RSU1: variants seen among roughly 807,000 people sequenced by gnomAD.
RSU1 encodes rsu-1.
Under a neutral mutation model 31.1 loss-of-function variants are expected in RSU1, and 26 were observed. The ratio of observed to expected loss-of-function variants is 0.84; its 90% confidence interval spans 0.61 to 1.16. The LOEUF is 1.16. Ranked by LOEUF, RSU1 falls within the 50% of genes most tolerant of loss-of-function variation. RSU1 has a pLI of 0.00. For missense variants in RSU1, 320 were observed against 339.1 expected (o/e 0.94, Z 0.44); for synonymous variants, 164 against 136.3 (o/e 1.20, Z -1.41).
chr10:16,742,036 G>C (rs540859981), intron 7 of RSU1, among the ~76,000 whole-genome samples: 23 of 152,190 alleles, frequency 1.5e-4, no homozygotes, highest in African/African-American at 4.6e-4. Flanking sequence ...GGTTAAGATG[G>C]ATTCAATAGG....
intron 8 of RSU1, among the ~76,000 whole-genome samples, chr10:16,624,724 T>G (rs1021868263): frequency 6.6e-6 from 1 of 152,168 alleles, no homozygotes; most frequent in African/African-American, 2.4e-5. Flanking sequence ...ACTCTTTGAT[T>G]AGGTGGAGAT....
At chr10:16,734,219 AAT>A (rs1836578992) in intron 7 of RSU1, among the ~76,000 whole-genome samples, 1 of 152,254 alleles carries the variant, frequency 6.6e-6, no homozygotes, top group Non-Finnish European at 1.5e-5. Context: ...TTTAAAGTTT[AAT>A]ATGTGACCAT....
At chr10:16,608,819 C>G (rs1833847066) in intron 8 of RSU1, among the ~76,000 whole-genome samples, 1 of 152,038 alleles carries the variant, frequency 6.6e-6, no homozygotes, top group South Asian at 2.1e-4. Flanking sequence ...TGGGTAGATT[C>G]AGCAGACTTA....
At chr10:16,632,951 A>G (rs935424374) in intron 8 of RSU1, among the ~76,000 whole-genome samples, 1 of 151,500 alleles carries the variant, frequency 6.6e-6, no homozygotes, top group Non-Finnish European at 1.5e-5. Flanking sequence ...AACAAAATTT[A>G]AAAAAAAACC....
chr10:16,639,741 C>G (rs1015202959), intron 8 of RSU1, among the ~76,000 whole-genome samples: 2 of 152,186 alleles, frequency 1.3e-5, no homozygotes, highest in African/African-American at 2.4e-5. Context: ...TGCATGGAGA[C>G]TTTGTGACAA....
intron 8 of RSU1, among the ~76,000 whole-genome samples, chr10:16,618,518 C>T (rs1485872268): frequency 1.3e-5 from 2 of 152,212 alleles, no homozygotes; most frequent in African/African-American, 2.4e-5. Flanking sequence ...TATAAAGACA[C>T]ATGCACACGT....
At chr10:16,791,263 G>A (rs1414744788) in intron 2 of RSU1, among the ~76,000 whole-genome samples, 4 of 152,078 alleles carry the variant, frequency 2.6e-5, no homozygotes, top group East Asian at 1.9e-4. Flanking sequence ...CTGACCTCAG[G>A]TGATTCACCT....
Position 16,701,801 on chromosome 10 carries a change from T to C in RSU1, c.599-6646A>G, listed in dbSNP as rs192935906. Reference sequence around the variant, plus strand: ...TGATGCTCTTCTTGGCCATTTGATATCTGTGGTCCAGGTTAAGAAGGGATA... The same window carrying C: ...TGATGCTCTTCTTGGCCATTTGATACCTGTGGTCCAGGTTAAGAAGGGATA... On this transcript the variant is annotated intron_variant, in intron 7 of 8. Transcript: ENST00000345264. 6.1e-3 allele frequency among the ~76,000 whole-genome samples: 933 copies of C among 152,286 alleles called. 5 individuals are homozygous for C. Among genetic ancestry groups the C allele is most frequent in the Non-Finnish European group, 9.2e-3 (623 of 68,018 alleles).
chr10:16,697,103 G>A (rs778611349), intron 7 of RSU1, among the ~76,000 whole-genome samples: 2 of 151,986 alleles, frequency 1.3e-5, no homozygotes, highest in Admixed American at 6.6e-5. Flanking sequence ...TTATGTGCAC[G>A]ATGGTATGTT....
At chr10:16,808,772 A>G (rs1838335669) in intron 2 of RSU1, among the ~76,000 whole-genome samples, 1 of 152,172 alleles carries the variant, frequency 6.6e-6, no homozygotes, top group African/African-American at 2.4e-5. Flanking sequence ...ATGTGACTAT[A>G]TTTGGAGATG....
At chr10:16,731,440 A>G (rs1836510225) in intron 7 of RSU1, among the ~76,000 whole-genome samples, 1 of 151,950 alleles carries the variant, frequency 6.6e-6, no homozygotes, top group South Asian at 2.1e-4. Flanking sequence ...AAAAAAAAAA[A>G]AAAAAATACT....
intron 8 of RSU1, among the ~76,000 whole-genome samples, chr10:16,630,269 T>C (rs1167364168): frequency 6.6e-6 from 1 of 152,176 alleles, no homozygotes; most frequent in East Asian, 1.9e-4. Flanking sequence ...GCCTGTATCA[T>C]ATCATATGTG....
chr10:16,656,715 G>C (rs1032886421), intron 8 of RSU1, among the ~76,000 whole-genome samples: 1 of 152,122 alleles, frequency 6.6e-6, no homozygotes, highest in Non-Finnish European at 1.5e-5. Flanking sequence ...TAACAGAATC[G>C]GCTTATATAT....
chr10:16,696,608 AATAAGCAGATCC>A (rs1835680913), intron 7 of RSU1, among the ~76,000 whole-genome samples: 1 of 152,238 alleles, frequency 6.6e-6, no homozygotes, highest in African/African-American at 2.4e-5. Flanking sequence ...TTGGTACAAA[AATAAGCAGATCC>A]ATTTCTCTCC....
At chr10:16,757,006 G>T (rs1361452749) in intron 4 of RSU1, among the ~76,000 whole-genome samples, 2 of 149,776 alleles carry the variant, frequency 1.3e-5, no homozygotes, top group African/African-American at 4.9e-5. Flanking sequence ...GTGTTTGGGG[G>T]TGTGGTGGTG....
At chr10:16,774,876 G>A (rs977912898) in intron 3 of RSU1, among the ~76,000 whole-genome samples, 2 of 152,048 alleles carry the variant, frequency 1.3e-5, no homozygotes, top group Non-Finnish European at 2.9e-5. Flanking sequence ...GGCCAAGGCA[G>A]GAGGACCACT....
intron 7 of RSU1, among the ~76,000 whole-genome samples, chr10:16,747,417 C>G (rs111593794): frequency 8.3e-4 from 126 of 152,134 alleles, no homozygotes; most frequent in Non-Finnish European, 4.4e-4. Flanking sequence ...TCAGGATGAC[C>G]TCCTCTCCTC....
chr10:16,812,759 G>T (rs1838434696), intron 2 of RSU1, among the ~76,000 whole-genome samples: 1 of 151,998 alleles, frequency 6.6e-6, no homozygotes, highest in South Asian at 2.1e-4. Context: ...CAATACACTT[G>T]AAGAGATTAA....
intron 3 of RSU1, among the ~76,000 whole-genome samples, chr10:16,776,458 C>T (rs1047184688): frequency 1.3e-5 from 2 of 151,142 alleles, no homozygotes; most frequent in African/African-American, 4.9e-5. Context: ...TAAATTCATA[C>T]ATAAGCTGTA....
Sources: gnomAD v4.1 joint callset for allele counts (sites outside exome capture counted in the v4.1 genomes callset) on GRCh38, gnomAD v4.1.1 for gene constraint, MANE v1.5 for transcripts, NCBI Gene and HGNC (gene_info 2026-07-23, HGNC 2026-07-21) for gene names.